The following LRPPRC variants were observed in gnomAD, a reference collection of about 807,000 sequenced individuals.
The protein encoded by LRPPRC is leucine-rich PPR motif-containing protein, mitochondrial.
A neutral mutation model predicts 180.3 loss-of-function variants in LRPPRC; 120 were observed. The ratio of observed to expected loss-of-function variants is 0.67; its 90% CI spans 0.57 to 0.77. The LOEUF is 0.77. LRPPRC is among the 30% of genes least tolerant of loss of function. LRPPRC has a pLI of 0.00. For synonymous variants in LRPPRC, 723 were observed against 600.0 expected, an observed-to-expected ratio of 1.21 and a Z score of -3.00; for missense variants, 2,012 against 1,657.2, an observed-to-expected ratio of 1.21 and a Z score of -3.72.
intron 27 of LRPPRC, among the ~76,000 whole-genome samples, chr2:43,919,552 G>A (rs1242878342): frequency 6.6e-6 from 1 of 152,130 alleles, no homozygotes; most frequent in Admixed American, 6.5e-5. Context: ...GAAGGAAATA[G>A]GCAGATCCCT....
chr2:43,992,086 T>C (rs1022259381), intron 1 of LRPPRC, among the ~76,000 whole-genome samples: 1 of 152,138 alleles, frequency 6.6e-6, no homozygotes, highest in African/African-American at 2.4e-5. Context: ...TGAGTGCACG[T>C]CATAGTGTTA....
At chr2:43,896,808 G>A (rs1670702886) in intron 34 of LRPPRC, 100 bp from the exon 35 acceptor site, 1 of 775,870 alleles carries the variant, frequency 1.3e-6, no homozygotes, top group East Asian at 2.6e-5. Flanking sequence ...ATACAGTAGT[G>A]TATTATTACC....
intron 25 of LRPPRC, among the ~76,000 whole-genome samples, chr2:43,926,829 T>C (rs1319438749): frequency 2.0e-5 from 3 of 152,210 alleles, no homozygotes; most frequent in Non-Finnish European, 4.4e-5. Context: ...TTTGCGAACT[T>C]CACAGTGATA....
At chr2:43,895,006 A>C (rs1670630352) in intron 35 of LRPPRC, among the ~76,000 whole-genome samples, 1 of 152,254 alleles carries the variant, frequency 6.6e-6, no homozygotes, top group African/African-American at 2.4e-5. Flanking sequence ...TAAAGAATTC[A>C]GTTAAAACAT....
chr2:43,925,212 G>T, intron 26 of LRPPRC, 55 bp from the exon 27 acceptor site: 1 of 911,746 alleles, frequency 1.1e-6, no homozygotes, highest in Non-Finnish European at 1.9e-6. Context: ...GTATTTTACA[G>T]TTAACAAATA....
At chr2:43,911,279 A>G (rs1558922266) in intron 30 of LRPPRC, among the ~76,000 whole-genome samples, 1 of 151,986 alleles carries the variant, frequency 6.6e-6, no homozygotes, top group Non-Finnish European at 1.5e-5. Context: ...ATGATTCAAG[A>G]CAACACACAT....
At chr2:43,905,568 C>A (rs1671041019) in intron 31 of LRPPRC, 124 bp downstream of exon 31, 1 of 767,862 alleles carries the variant, frequency 1.3e-6, no homozygotes, top group Non-Finnish European at 2.4e-6. Flanking sequence ...TCAGCTACCA[C>A]AAAAGGCTCT....
intron 14 of LRPPRC, among the ~76,000 whole-genome samples, chr2:43,956,373 T>C (rs1673114420): frequency 6.6e-6 from 1 of 152,182 alleles, no homozygotes; most frequent in Non-Finnish European, 1.5e-5. Flanking sequence ...GTGATACTGA[T>C]GTTGTGATTT....
At chr2:43,971,836 C>G (rs1190604101) in intron 11 of LRPPRC, among the ~76,000 whole-genome samples, 2 of 152,126 alleles carry the variant, frequency 1.3e-5, no homozygotes, top group African/African-American at 2.4e-5. Flanking sequence ...AGAATATATA[C>G]TTTACTATCT....
Position 43,888,564 on chromosome 2 carries a change from A to G in LRPPRC, c.*36T>C. ...CAAAATAACATGTAGACACAGAATC[A>G]CAAATATATACAAAACAAAGTATCG... On this transcript the variant is annotated 3_prime_UTR_variant, in exon 38 of 38. Transcript: ENST00000260665. 1 of 1,310,648 alleles carries G rather than the reference A, an allele frequency of 7.6e-7. No individual in the cohort carries two copies. Among genetic ancestry groups the G allele is most frequent in the Non-Finnish European group, 1.1e-6 (1 of 904,440 alleles). 81.2% of individuals were successfully genotyped at this position (1,310,648 alleles called of 1,614,324 possible).
intron 36 of LRPPRC, among the ~76,000 whole-genome samples, chr2:43,890,967 C>G (rs1254041561): frequency 6.6e-6 from 1 of 152,132 alleles, no homozygotes; most frequent in East Asian, 1.9e-4. Flanking sequence ...TACACTGACT[C>G]TGATATTGTC....
At chr2:43,922,001 C>T (rs961424383) in intron 27 of LRPPRC, among the ~76,000 whole-genome samples, 5 of 152,094 alleles carry the variant, frequency 3.3e-5, no homozygotes, top group Non-Finnish European at 5.9e-5. Context: ...GTGTTCAGAA[C>T]ATAAGAAAAT....
chr2:43,936,953 C>T (rs925038099), intron 23 of LRPPRC, among the ~76,000 whole-genome samples: 3 of 152,252 alleles, frequency 2.0e-5, no homozygotes, highest in East Asian at 3.9e-4. Context: ...TATAACTCTG[C>T]TTAACGAAAA....
intron 23 of LRPPRC, 147 bp from the exon 24 acceptor site, chr2:43,935,025 G>A: frequency 1.0e-5 from 6 of 590,694 alleles, no homozygotes; most frequent in South Asian, 4.8e-5. Flanking sequence ...CTAAAATGGG[G>A]GAAAAAAAGA....
chr2:43,973,804 T>G lies in LRPPRC; in HGVS notation c.1252A>C (p.Asn418His). The G allele has an allele frequency of 6.2e-7, 1 of 1,613,342 alleles. No individual in the cohort carries two copies. Among genetic ancestry groups the G allele is most frequent in the Non-Finnish European group, 8.5e-7 (1 of 1,179,254 alleles). ...TTTAAGAATGTAGTACCAGTTTTAT[T>G]GGCGAGTAAAGCACAATGGAGGGTG... ...QFTLHCALLA[N>H]KTDLAKALMK... is the part of the protein sequence containing the mutation. Residue 418 changes from asparagine (N) to histidine (H), a missense_variant, in exon 10 of 38, where the codon AAT (asparagine) becomes CAT (histidine). Coordinates refer to ENST00000260665, the MANE Select transcript of LRPPRC (RefSeq NM_133259.4).
rs116539818 is a variant in LRPPRC, at chr2:43,994,565, T to C, written c.149+1234A>G. Among the ~76,000 whole-genome samples, 898 of 150,458 alleles carry C rather than the reference T, an allele frequency of 6.0e-3. 8 individuals are homozygous for C. Among genetic ancestry groups the C allele is most frequent in the African/African-American group, 0.021 (854 of 40,832 alleles). ...TCTCTAATGGCATAATGCAGATAATTTGAGGATAAAATGCAGATAAATCTG... is the reference window on the plus strand; with the variant it reads ...TCTCTAATGGCATAATGCAGATAATCTGAGGATAAAATGCAGATAAATCTG... On this transcript the variant is annotated intron_variant, in intron 1 of 37. Transcript: ENST00000260665.
chr2:43,914,860 A>G (rs1449031901), intron 29 of LRPPRC, among the ~76,000 whole-genome samples: 2 of 152,106 alleles, frequency 1.3e-5, no homozygotes, highest in African/African-American at 4.8e-5. Flanking sequence ...AAATGTTTTC[A>G]CTTAAACTGT....
In LRPPRC at chr2:43,973,704, T is replaced by C. The variant is rs1305763567; in HGVS notation, c.1272A>G (p.Lys424=). Residue 424 remains lysine, a synonymous_variant, in exon 11 of 38, where the codon AAA becomes AAG. Transcript: ENST00000260665. ...CCTCCTTCACAGCCTTCATTAAGGCTTTTGCCAAATCTGAAAGAGATATCA... is the reference window on the plus strand; with the variant it reads ...CCTCCTTCACAGCCTTCATTAAGGCCTTTGCCAAATCTGAAAGAGATATCA... ...ALLANKTDLA[K]ALMKAVKEEG... The C allele has an allele frequency of 6.2e-7, 1 of 1,612,986 alleles. No individual in the cohort carries two copies. The highest frequency in any genetic ancestry group is 2.2e-5 in the East Asian group (1 of 44,886).
intron 11 of LRPPRC, among the ~76,000 whole-genome samples, chr2:43,966,178 A>G (rs889255461): frequency 6.6e-6 from 1 of 152,146 alleles, no homozygotes; most frequent in Non-Finnish European, 1.5e-5. Context: ...CTTGAAGCAC[A>G]TGCTAAGTGA....
Sources: gnomAD v4.1 joint callset for allele counts (sites outside exome capture counted in the v4.1 genomes callset) on GRCh38, gnomAD v4.1.1 for gene constraint, MANE v1.5 for transcripts, NCBI Gene and HGNC (gene_info 2026-07-23, HGNC 2026-07-21) for gene names.